Variants in RPS18 observed in about 807,000 individuals in gnomAD.
RPS18 encodes the protein ribosomal protein S18, also known as small ribosomal subunit protein uS13.
For synonymous variants in RPS18, 64 were observed against 70.9 expected, an observed-to-expected ratio of 0.90 and a Z score of 0.49; for missense variants, 49 against 200.8, an observed-to-expected ratio of 0.24 and a Z score of 4.57.
At chr6:33,273,347 C>T (rs1765387931) in intron 2 of RPS18, among the ~76,000 whole-genome samples, 1 of 152,138 alleles carries the variant, frequency 6.6e-6, no homozygotes, top group South Asian at 2.1e-4. Context: ...CTCCACAAAC[C>T]TAATGAATTC....
chr6:33,272,886 T>G (rs1314613099), intron 2 of RPS18, among the ~76,000 whole-genome samples, 160 bp downstream of exon 2: 2 of 152,202 alleles, frequency 1.3e-5, no homozygotes, highest in Non-Finnish European at 2.9e-5. Flanking sequence ...CTGACCCCTT[T>G]AGCATTTACC....
In RPS18 at chr6:33,276,373, T is replaced by G. The variant is rs1242803766; in HGVS notation, c.384-18T>G. ...TTCTGCTGTGCATGACCTGTGACTCTTCTCTTTTTACCTGCAGCCTTCGTG... is the reference window on the plus strand; with the variant it reads ...TTCTGCTGTGCATGACCTGTGACTCGTCTCTTTTTACCTGCAGCCTTCGTG... On this transcript the variant is annotated intron_variant, in intron 5 of 5. Coordinates refer to ENST00000439602, the MANE Select transcript of RPS18 (RefSeq NM_022551.3). 2.5e-6 allele frequency: 4 copies of G among 1,613,590 alleles called. No homozygotes were observed. The highest frequency in any genetic ancestry group is 2.5e-6 in the Non-Finnish European group (3 of 1,179,616).
intron 2 of RPS18, chr6:33,275,395 T>C (rs1765559475): frequency 4.9e-6 from 1 of 202,884 alleles, no homozygotes; most frequent in East Asian, 1.4e-4. Flanking sequence ...CTTGGCTTGC[T>C]GCAACCTCCA....
Position 33,276,374 on chromosome 6 carries a change from T to TGA in RPS18, c.384-17_384-16insGA, listed in dbSNP as rs1562599513. On this transcript the variant is annotated splice_polypyrimidine_tract_variant and intron_variant, in intron 5 of 5. Coordinates refer to ENST00000439602, the MANE Select transcript of RPS18 (RefSeq NM_022551.3). ...TCTGCTGTGCATGACCTGTGACTCT[T>TGA]CTCTTTTTACCTGCAGCCTTCGTGT... 4 of 1,613,532 alleles carry TGA rather than the reference T, an allele frequency of 2.5e-6. No individual in the cohort carries two copies. The highest frequency in any genetic ancestry group is 2.5e-6 in the Non-Finnish European group (3 of 1,179,652).
chr6:33,273,817 CGGA>C (rs910838914), intron 2 of RPS18, among the ~76,000 whole-genome samples: 19 of 152,286 alleles, frequency 1.2e-4, no homozygotes, highest in Non-Finnish European at 2.8e-4. Context: ...GTGGCTCACT[CGGA>C]GGCTGAAGTG....
At position 33,272,097 on chromosome 6, in the gene RPS18, A is replaced by C. The variant is rs369718545; in HGVS notation, c.-23A>C. On this transcript the variant is annotated 5_prime_UTR_variant, in exon 1 of 6. Transcript: ENST00000439602. ...GCTCTCTCTTCCACAGGAGGCCTACACGCCGCCGCTTGTGCTGCAGCCATG... is the reference window on the plus strand; with the variant it reads ...GCTCTCTCTTCCACAGGAGGCCTACCCGCCGCCGCTTGTGCTGCAGCCATG... The C allele has an allele frequency of 1.7e-5, 26 of 1,565,964 alleles. 1 individual carries two copies. The Admixed American group carries it at 4.7e-4, about 28-fold the overall frequency.
rs139871722 is a variant in RPS18, at chr6:33,276,301, G to A, written c.383+34G>A. On this transcript the variant is annotated intron_variant, in intron 5 of 5. Transcript: ENST00000439602. ...GGGGTCTCATCTCCCTGCCTACCTC[G>A]ACTCAGCATTCCTCCTACTCGCTCT... 232 of 1,605,238 alleles carry A rather than the reference G, an allele frequency of 1.4e-4. 1 individual carries two copies. The highest frequency in any genetic ancestry group is 3.4e-5 in the Non-Finnish European group (40 of 1,172,046).
At chr6:33,274,989 A>G (rs1009982903) in intron 2 of RPS18, among the ~76,000 whole-genome samples, 1 of 152,200 alleles carries the variant, frequency 6.6e-6, no homozygotes, top group Non-Finnish European at 1.5e-5. Context: ...TTGGGCAGTC[A>G]GTTCTGGGCA....
chr6:33,272,792 AAT>A, intron 2 of RPS18, 66 bp downstream of exon 2: 1 of 835,438 alleles, frequency 1.2e-6, no homozygotes, highest in Non-Finnish European at 2.1e-6. Context: ...CATAAGCAAA[AAT>A]GAAGCAAGGC....
At chr6:33,275,476 C>T (rs1474088532) in intron 2 of RPS18, 2 of 315,628 alleles carry the variant, frequency 6.3e-6, no homozygotes, top group African/African-American at 4.4e-5. Context: ...CCACCATGCT[C>T]AGCAACTTTT....
At chr6:33,272,148 C>T (rs531203069) in intron 1 of RPS18, 26 bp downstream of exon 1, 29 of 1,558,118 alleles carry the variant, frequency 1.9e-5, no homozygotes, top group Non-Finnish European at 2.4e-5. Context: ...GTGCCGTGAT[C>T]CAGCGGCATC....
intron 2 of RPS18, 102 bp from the exon 3 acceptor site, chr6:33,275,695 A>G (rs1381539517): frequency 1.2e-6 from 1 of 810,408 alleles, no homozygotes; most frequent in Non-Finnish European, 2.2e-6. Context: ...ATTGCAAAAT[A>G]GATTATTGCA....
At chr6:33,274,029 C>G (rs140269655) in intron 2 of RPS18, among the ~76,000 whole-genome samples, 37 of 152,342 alleles carry the variant, frequency 2.4e-4, no homozygotes, top group African/African-American at 7.9e-4. Flanking sequence ...GCAATCTTAT[C>G]TCACTGCAAC....
chr6:33,275,078 AGAGATTCT>A (rs1765533093), intron 2 of RPS18, among the ~76,000 whole-genome samples: 1 of 152,188 alleles, frequency 6.6e-6, no homozygotes, highest in Non-Finnish European at 1.5e-5. Context: ...TGTGACCCTT[AGAGATTCT>A]GAGGAACTGA....
At chr6:33,272,229 G>A (rs1765244158) in intron 1 of RPS18, 107 bp downstream of exon 1, 3 of 1,266,162 alleles carry the variant, frequency 2.4e-6, no homozygotes, top group Non-Finnish European at 1.1e-6. Flanking sequence ...GCGACTTTCT[G>A]TATGGAGCCT....
chr6:33,272,552 A>C (rs1294610062), intron 1 of RPS18, 76 bp from the exon 2 acceptor site: 3 of 785,668 alleles, frequency 3.8e-6, no homozygotes, highest in Non-Finnish European at 7.1e-6. Flanking sequence ...TTTTGTATGA[A>C]GTTCGTTTGC....
In RPS18 at chr6:33,276,226, G is replaced by A; in HGVS notation, c.342G>A (p.Leu114=). The change falls in exon 5 of 6, where the codon CTG becomes CTA. Residue 114 remains leucine, a synonymous_variant. Transcript: ENST00000439602. ...DNKLREDLER[L]KKIRAHRGLR... Reference sequence around the variant, plus strand: ...AGCTCCGTGAAGACCTGGAGCGACTGAAGAAGATTCGGGCCCATAGAGGGC... The same window carrying A: ...AGCTCCGTGAAGACCTGGAGCGACTAAAGAAGATTCGGGCCCATAGAGGGC... The A allele has an allele frequency of 6.2e-7, 1 of 1,614,164 alleles. No homozygotes were observed. Among genetic ancestry groups the A allele is most frequent in the Non-Finnish European group, 8.5e-7 (1 of 1,180,028 alleles).
In RPS18 at chr6:33,276,374, TC is replaced by T. The variant is rs1562599522; in HGVS notation, c.384-16del. On this transcript the variant is annotated splice_polypyrimidine_tract_variant and intron_variant, in intron 5 of 5. Transcript: ENST00000439602. ...TCTGCTGTGCATGACCTGTGACTCT[TC>T]TCTTTTTACCTGCAGCCTTCGTGTC... 1 of 1,613,650 alleles carries T rather than the reference TC, an allele frequency of 6.2e-7. No homozygotes were observed. The highest frequency in any genetic ancestry group is 1.7e-5 in the Admixed American group (1 of 60,000).
chr6:33,272,763 G>A, intron 2 of RPS18, 37 bp downstream of exon 2: 1 of 1,029,046 alleles, frequency 9.7e-7, no homozygotes, highest in Non-Finnish European at 1.5e-6. Context: ...GAATGTAAAT[G>A]AGAATTGGGT....
Sources: allele counts gnomAD v4.1 joint callset (sites outside exome capture counted in the v4.1 genomes callset), GRCh38; gene constraint gnomAD v4.1.1; transcripts MANE v1.5; gene names NCBI Gene and HGNC (gene_info 2026-07-23, HGNC 2026-07-21).